The following CDH4 variants were observed in gnomAD, a reference collection of about 807,000 sequenced individuals.
CDH4 encodes cadherin 4, also known as cadherin-4.
In CDH4, 33 loss-of-function variants were observed where a neutral mutation model predicts 86.0. The ratio of observed to expected loss-of-function variants is 0.38; its 90% confidence interval spans 0.29 to 0.51. The LOEUF (loss-of-function observed/expected upper bound fraction) is 0.51, where lower values mean the gene tolerates loss of function less well. CDH4 is among the 20% of genes least tolerant of loss of function. The pLI, the probability that CDH4 is intolerant of heterozygous loss-of-function variation, is 0.86. For synonymous variants in CDH4, 555 were observed against 549.4 expected, an observed-to-expected ratio of 1.01 and a Z score of -0.14; for missense variants, 1,114 against 1,307.4, an observed-to-expected ratio of 0.85 and a Z score of 2.28.
chr20:61,638,883 C>T (rs975579671), intron 2 of CDH4, among the ~76,000 whole-genome samples: 12 of 152,176 alleles, frequency 7.9e-5, no homozygotes, highest in Non-Finnish European at 2.9e-5. Flanking sequence ...TCAGATTCCG[C>T]ACAGTGTAGG....
In CDH4 at chr20:61,844,745, G is replaced by C. The variant is rs549059293; in HGVS notation, c.654G>C (p.Glu218Asp). ...TGVGADQPPMEVFSIDSMSGR... is the reference protein window; with the variant it reads ...TGVGADQPPMDVFSIDSMSGR... ...TGGGCGCCGACCAGCCCCCCATGGA[G>C]GTCTTCAGCATTGACTCCATGTCCG... Residue 218 changes from glutamate (E) to aspartate (D), a missense_variant, in exon 5 of 16, where the codon GAG becomes GAC. Glu to Asp is a conservative substitution (Grantham distance 45). Transcript: ENST00000614565. The C allele has an allele frequency of 3.1e-6, 5 of 1,614,100 alleles. No homozygotes were observed. The South Asian group carries it at 5.5e-5, about 18-fold the overall frequency.
At chr20:61,831,963 G>T (rs886922787) in intron 4 of CDH4, among the ~76,000 whole-genome samples, 36 of 152,224 alleles carry the variant, frequency 2.4e-4, no homozygotes, top group Non-Finnish European at 4.3e-4. Context: ...GGAGCGGCTG[G>T]AGCCTGCCTG....
chr20:61,252,679 C>A lies in CDH4; in HGVS notation c.57+109C>A. ...CCCGGCGGGGCTCTCCCGGGCTCCC[C>A]CGCCGCGCTCCCCGCTGCATCCAGC... is the stretch of plus-strand genomic sequence containing the variant. On this transcript the variant is annotated intron_variant, in intron 1 of 15. Coordinates refer to ENST00000614565, the MANE Select transcript of CDH4 (RefSeq NM_001794.5). The surrounding 1 kb of genome is among the most constrained non-coding windows in gnomAD (Gnocchi z 4.4). 3.6e-6 allele frequency: 2 copies of A among 555,334 alleles called. No individual in the cohort carries two copies. The highest frequency in any genetic ancestry group is 4.5e-5 in the East Asian group (1 of 22,356). The allele number at this position is 555,334 out of a possible 1,614,324, so 34.4% of individuals were successfully genotyped here.
At position 61,732,958 on chromosome 20, in the gene CDH4, C is replaced by T. The variant is rs570295122; in HGVS notation, c.170-10605C>T. Among the ~76,000 whole-genome samples, 117 of 152,298 alleles carry T rather than the reference C, an allele frequency of 7.7e-4. 1 individual carries two copies. The highest frequency in any genetic ancestry group is 2.6e-3 in the African/African-American group (107 of 41,562). The stretch of plus-strand genomic sequence containing the variant: ...CATGTGCTGGGAGCCCCTTCAGCAC[C>T]GGCTAGAGTGACCAGCTGGGGGCCT... On this transcript the variant is annotated intron_variant, in intron 2 of 15. Transcript: ENST00000614565.
At chr20:61,304,628 C>T (rs751279233) in intron 2 of CDH4, among the ~76,000 whole-genome samples, 16 of 152,132 alleles carry the variant, frequency 1.1e-4, no homozygotes, top group African/African-American at 2.7e-4. Context: ...GAGAAAAGGA[C>T]AGCAGAAGGG....
chr20:61,815,429 T>C (rs1448936757), intron 4 of CDH4, among the ~76,000 whole-genome samples: 1 of 152,234 alleles, frequency 6.6e-6, no homozygotes, highest in African/African-American at 2.4e-5. Flanking sequence ...CGCCCGTCGC[T>C]GTTTTCTAGA....
In CDH4 at chr20:61,703,380, C is replaced by T. The variant is rs565774766; in HGVS notation, c.170-40183C>T. On this transcript the variant is annotated intron_variant, in intron 2 of 15. Transcript: ENST00000614565. The surrounding 1 kb of genome is among the most constrained non-coding windows in gnomAD (Gnocchi z 4.3). ...CCTGGCAGGATGGACACAGTTGATA[C>T]TCGAGCGTGAATGGAGACACTGGCA... 3.0e-4 allele frequency among the ~76,000 whole-genome samples: 46 copies of T among 152,288 alleles called. No individual in the cohort carries two copies. The highest frequency in any genetic ancestry group is 1.1e-3 in the African/African-American group (44 of 41,548).
At chr20:61,800,276 G>A (rs6121808) in intron 4 of CDH4, among the ~76,000 whole-genome samples, 25,029 of 152,202 alleles carry the variant, frequency 0.16, 2,279 homozygotes, top group East Asian at 0.24. Context: ...CTGCCCGGCC[G>A]CCAGGGGGGC....
chr20:61,390,139 C>T (rs569867696), intron 2 of CDH4, among the ~76,000 whole-genome samples: 21 of 149,404 alleles, frequency 1.4e-4, no homozygotes, highest in Non-Finnish European at 2.8e-4. Flanking sequence ...CTAGGAAACC[C>T]CAATTGGGTT....
At chr20:61,649,754 G>T (rs541746450) in intron 2 of CDH4, among the ~76,000 whole-genome samples, 29 of 152,310 alleles carry the variant, frequency 1.9e-4, no homozygotes, top group Admixed American at 7.2e-4. Flanking sequence ...GAAGAGCATG[G>T]CGGGCCGTGA....
chr20:61,522,670 G>A (rs945638975), intron 2 of CDH4, among the ~76,000 whole-genome samples: 15 of 152,194 alleles, frequency 9.9e-5, no homozygotes, highest in African/African-American at 3.1e-4. Flanking sequence ...GGCGCAGTCC[G>A]GGTGGGAGCC....
At chr20:61,499,918 TGGAA>T (rs1341258295) in intron 2 of CDH4, among the ~76,000 whole-genome samples, 25 of 152,244 alleles carry the variant, frequency 1.6e-4, no homozygotes, top group Admixed American at 1.6e-3. Context: ...CAGGGGTGGT[TGGAA>T]GGGTCAGTGG....
chr20:61,841,935 C>A (rs972736894), intron 4 of CDH4, among the ~76,000 whole-genome samples: 1 of 152,194 alleles, frequency 6.6e-6, no homozygotes, highest in South Asian at 2.1e-4. Context: ...ATGAGACAGC[C>A]TTGGGGTGGC....
intron 2 of CDH4, among the ~76,000 whole-genome samples, chr20:61,277,785 A>G (rs2084238652): frequency 6.6e-6 from 1 of 152,254 alleles, no homozygotes; most frequent in African/African-American, 2.4e-5. Flanking sequence ...TTGGATAACA[A>G]TGACAATTAC....
At position 61,939,503 on chromosome 20, in the gene CDH4, C is replaced by G. The variant is rs1392049956; in HGVS notation, c.*2560C>G. 6.6e-6 allele frequency: 1 copy of G among 152,424 alleles called. No homozygotes were observed. Among genetic ancestry groups the G allele is most frequent in the East Asian group, 1.9e-4 (1 of 5,202 alleles). The allele number at this position is 152,424 out of a possible 1,614,324, so 9.4% of individuals were successfully genotyped here. A position where few individuals can be genotyped will look rare whatever the true frequency, so the allele number is the denominator to read the frequency against. ...GCTCCAAACAGCTGGACAGCTTCCCCTCTACCCCCACCCTGGTGAGCCCCT... is the reference window on the plus strand; with the variant it reads ...GCTCCAAACAGCTGGACAGCTTCCCGTCTACCCCCACCCTGGTGAGCCCCT... On this transcript the variant is annotated 3_prime_UTR_variant, in exon 16 of 16. Transcript: ENST00000614565.
intron 2 of CDH4, among the ~76,000 whole-genome samples, chr20:61,429,685 A>G (rs1450736932): frequency 4.2e-5 from 6 of 144,338 alleles, no homozygotes; most frequent in Admixed American, 2.1e-4. Context: ...ATGGGTGGAT[A>G]GATGGGTGGA....
chr20:61,827,625 C>T (rs1473822731), intron 4 of CDH4, among the ~76,000 whole-genome samples: 1 of 152,144 alleles, frequency 6.6e-6, no homozygotes, highest in Non-Finnish European at 1.5e-5. Context: ...AATAAAAGAC[C>T]AGCCCAATAG....
In CDH4 at chr20:61,780,787, G is replaced by A. The variant is rs534997399; in HGVS notation, c.576+7605G>A. ...GGGAGAAAATGGCACTGGGTGAGAC[G>A]TGTGTGCAGGTGGCTTCCCTCTGAG... On this transcript the variant is annotated intron_variant, in intron 4 of 15. Transcript: ENST00000614565. 4.6e-5 allele frequency among the ~76,000 whole-genome samples: 7 copies of A among 152,360 alleles called. No homozygotes were observed. In the South Asian group the frequency reaches 6.2e-4, roughly 14 times the overall value.
intron 2 of CDH4, among the ~76,000 whole-genome samples, chr20:61,697,140 A>G (rs17747934): frequency 0.028 from 4,222 of 152,280 alleles, 82 homozygotes; most frequent in Middle Eastern, 0.051. Context: ...GGAGGCCCCA[A>G]TTGCAAACAT....
Sources: allele counts gnomAD v4.1 joint callset (sites outside exome capture counted in the v4.1 genomes callset), GRCh38; gene constraint gnomAD v4.1.1; non-coding constraint Gnocchi (gnomAD v3.1); transcripts MANE v1.5; gene names NCBI Gene and HGNC (gene_info 2026-07-23, HGNC 2026-07-21).